Variants in B3GALT1 observed in about 807,000 individuals in gnomAD.
B3GALT1 encodes UDP-Gal:betaGlcNAc beta 1,3-galactosyltransferase, polypeptide 1.
B3GALT1 carries 10 observed loss-of-function variants against 23.2 expected under a neutral mutation model. The ratio of observed to expected loss-of-function variants is 0.43; its 90% CI spans 0.27 to 0.73. B3GALT1 has a LOEUF of 0.73. Ranked by LOEUF, B3GALT1 falls within the 30% of genes least tolerant of loss-of-function variation. The probability of loss-of-function intolerance (pLI) is 0.21; values close to 1 mark genes in which losing one functional copy is unlikely to be tolerated. For missense variants in B3GALT1, 299 were observed against 405.4 expected (o/e 0.74, Z 2.25); for synonymous variants, 156 against 141.5 (o/e 1.10, Z -0.73).
chr2:167,501,907 G>A (rs1178327722), intron 2 of B3GALT1, among the ~76,000 whole-genome samples: 1 of 152,016 alleles, frequency 6.6e-6, no homozygotes, highest in Admixed American at 6.6e-5. Context: ...GCAAGACTTT[G>A]TGTCTCATTT....
intron 2 of B3GALT1, among the ~76,000 whole-genome samples, chr2:167,610,850 C>T (rs751017602): frequency 7.5e-4 from 106 of 141,068 alleles, no homozygotes; most frequent in Middle Eastern, 4.2e-3. Flanking sequence ...ATAGGACCAA[C>T]CTTAGAGGAG....
intron 3 of B3GALT1, among the ~76,000 whole-genome samples, chr2:167,785,653 T>C (rs944899040): frequency 6.6e-6 from 1 of 152,222 alleles, no homozygotes; most frequent in Non-Finnish European, 1.5e-5. Flanking sequence ...ACATAGCTAA[T>C]TGGAACAAAA....
chr2:167,733,307 A>C (rs1188660227), intron 3 of B3GALT1, among the ~76,000 whole-genome samples: 3 of 152,174 alleles, frequency 2.0e-5, no homozygotes, highest in Non-Finnish European at 4.4e-5. Context: ...TATTTGTTTA[A>C]ATCAAGCTTG....
intron 3 of B3GALT1, among the ~76,000 whole-genome samples, chr2:167,743,385 A>C (rs1438122598): frequency 6.6e-6 from 1 of 152,142 alleles, no homozygotes; most frequent in Admixed American, 6.5e-5. Flanking sequence ...TATTTTGTAT[A>C]GTCAGACTTC....
chr2:167,382,622 A>G (rs901640786), intron 1 of B3GALT1, among the ~76,000 whole-genome samples: 4 of 152,228 alleles, frequency 2.6e-5, no homozygotes, highest in Admixed American at 6.5e-5. Context: ...TACAAAAGGC[A>G]GAATAAACTG....
chr2:167,740,657 A>G (rs1286684088), intron 3 of B3GALT1, among the ~76,000 whole-genome samples: 2 of 152,236 alleles, frequency 1.3e-5, no homozygotes, highest in African/African-American at 2.4e-5. Context: ...TCTAAATGGT[A>G]GTAAGAAGCA....
At chr2:167,570,560 A>C (rs1684274003) in intron 2 of B3GALT1, among the ~76,000 whole-genome samples, 1 of 151,952 alleles carries the variant, frequency 6.6e-6, no homozygotes, top group Non-Finnish European at 1.5e-5. Context: ...TATAGTTTTA[A>C]TGTAGTGGAT....
At chr2:167,418,632 G>T (rs1476049580) in intron 1 of B3GALT1, among the ~76,000 whole-genome samples, 1 of 151,650 alleles carries the variant, frequency 6.6e-6, no homozygotes, top group African/African-American at 2.4e-5. Flanking sequence ...TTTATCAAAG[G>T]CTGTGGCTGA....
At chr2:167,473,786 A>C (rs1699451191) in intron 1 of B3GALT1, among the ~76,000 whole-genome samples, 3 of 152,178 alleles carry the variant, frequency 2.0e-5, no homozygotes, top group Non-Finnish European at 4.4e-5. Context: ...TCAGAAGAAT[A>C]AACAGGAGAG....
chr2:167,382,753 T>C (rs991654687), intron 1 of B3GALT1, among the ~76,000 whole-genome samples: 6 of 152,150 alleles, frequency 3.9e-5, no homozygotes, highest in African/African-American at 9.7e-5. Flanking sequence ...GAGCAGGTCA[T>C]GTCTGAATTT....
chr2:167,804,258 G>T (rs1241274087), intron 3 of B3GALT1, among the ~76,000 whole-genome samples: 1 of 152,030 alleles, frequency 6.6e-6, no homozygotes, highest in Non-Finnish European at 1.5e-5. Flanking sequence ...CCAAAGTGCT[G>T]GGATTACAGG....
At chr2:167,653,733 C>T (rs773999689) in intron 3 of B3GALT1, among the ~76,000 whole-genome samples, 1 of 152,094 alleles carries the variant, frequency 6.6e-6, no homozygotes, top group African/African-American at 2.4e-5. Context: ...GTCTCCTTAA[C>T]ACCACAAGAA....
intron 2 of B3GALT1, among the ~76,000 whole-genome samples, chr2:167,639,552 A>G (rs977983170): frequency 1.2e-4 from 18 of 152,116 alleles, no homozygotes; most frequent in African/African-American, 4.1e-4. Context: ...TTGAAATTCT[A>G]TATACCTTAA....
chr2:167,609,691 A>G (rs572360969), intron 2 of B3GALT1, among the ~76,000 whole-genome samples: 3 of 152,246 alleles, frequency 2.0e-5, no homozygotes, highest in African/African-American at 7.2e-5. Context: ...ATTGTCCATT[A>G]TTGTGCTACA....
At chr2:167,665,203 T>C (rs1217764817) in intron 3 of B3GALT1, among the ~76,000 whole-genome samples, 2 of 148,936 alleles carry the variant, frequency 1.3e-5, no homozygotes, top group African/African-American at 2.5e-5. Flanking sequence ...AGGCCTTTTC[T>C]GCATCTATTG....
chr2:167,294,638 A>C (rs1354603904), intron 1 of B3GALT1, among the ~76,000 whole-genome samples: 1 of 152,116 alleles, frequency 6.6e-6, no homozygotes, highest in Non-Finnish European at 1.5e-5. Flanking sequence ...AATACTAAGG[A>C]GCTCTCCCCA....
At chr2:167,497,913 C>A (rs1699801054) in intron 2 of B3GALT1, among the ~76,000 whole-genome samples, 1 of 151,004 alleles carries the variant, frequency 6.6e-6, no homozygotes, top group South Asian at 2.1e-4. Context: ...GTATACTAAC[C>A]AAGGAGTATA....
intron 4 of B3GALT1, among the ~76,000 whole-genome samples, chr2:167,837,166 CACACATA>C (rs1689499484): frequency 6.6e-6 from 1 of 152,162 alleles, no homozygotes; most frequent in Non-Finnish European, 1.5e-5. Context: ...GGATCAAATT[CACACATA>C]ACAATATTAA....
intron 1 of B3GALT1, among the ~76,000 whole-genome samples, chr2:167,454,005 A>T (rs1300082938): frequency 2.0e-5 from 3 of 152,196 alleles, no homozygotes; most frequent in African/African-American, 7.2e-5. Flanking sequence ...AGTTCTATTT[A>T]TCCACATCAG....
Sources: allele counts gnomAD v4.1 joint callset (sites outside exome capture counted in the v4.1 genomes callset), GRCh38; gene constraint gnomAD v4.1.1; transcripts MANE v1.5; gene names NCBI Gene and HGNC (gene_info 2026-07-23, HGNC 2026-07-21).